Variants in CTNNBL1 observed in about 807,000 individuals in gnomAD.
CTNNBL1 encodes beta-catenin-like protein 1.
A neutral mutation model predicts 72.7 loss-of-function variants in CTNNBL1; 31 were observed. The observed-to-expected ratio is 0.43, with a 90% CI of 0.32 to 0.58. CTNNBL1 has a LOEUF of 0.58. Ranked by LOEUF, CTNNBL1 falls within the 20% of genes least tolerant of loss-of-function variation. CTNNBL1 has a pLI of 0.08. For missense variants in CTNNBL1, 534 were observed against 725.1 expected (o/e 0.74, Z 3.03); for synonymous variants, 240 against 267.3 (o/e 0.90, Z 1.00).
intron 13 of CTNNBL1, among the ~76,000 whole-genome samples, chr20:37,854,177 C>G (rs1286967389): frequency 6.6e-6 from 1 of 152,200 alleles, no homozygotes; most frequent in African/African-American, 2.4e-5. Flanking sequence ...TGGCATTGCT[C>G]TCTTGAGTTT....
chr20:37,821,936 C>A (rs1211720493), intron 11 of CTNNBL1, among the ~76,000 whole-genome samples: 2 of 151,954 alleles, frequency 1.3e-5, no homozygotes, highest in African/African-American at 4.8e-5. Flanking sequence ...TCCCACCCCT[C>A]CCCCTGCACA....
At chr20:37,801,379 A>G (rs1467409262) in intron 10 of CTNNBL1, among the ~76,000 whole-genome samples, 2 of 152,190 alleles carry the variant, frequency 1.3e-5, no homozygotes, top group Non-Finnish European at 2.9e-5. Flanking sequence ...AGCTGTAGCA[A>G]GATAGGAAAT....
intron 10 of CTNNBL1, among the ~76,000 whole-genome samples, chr20:37,792,299 A>G (rs1385493284): frequency 6.6e-6 from 1 of 150,708 alleles, no homozygotes; most frequent in East Asian, 2.0e-4. Flanking sequence ...TCTGGTCAGT[A>G]TTTTTTTTCC....
intron 15 of CTNNBL1, among the ~76,000 whole-genome samples, chr20:37,865,172 G>T (rs1332280608): frequency 1.3e-5 from 2 of 152,162 alleles, no homozygotes; most frequent in East Asian, 3.9e-4. Flanking sequence ...AGGGTGCTAG[G>T]CAGGCTTCTA....
intron 15 of CTNNBL1, among the ~76,000 whole-genome samples, chr20:37,862,756 G>T (rs1435349110): frequency 1.3e-5 from 2 of 150,226 alleles, no homozygotes; most frequent in African/African-American, 4.9e-5. Flanking sequence ...ATCCTTCCAG[G>T]CCTGGGCTCA....
chr20:37,746,557 A>T lies in CTNNBL1; in HGVS notation c.416A>T (p.Glu139Val). ...CCAGACCTGTACCACCTTCTGGTGGAGCTGAATGCTGTACAGTCGCTTCTC... is the reference window on the plus strand; with the variant it reads ...CCAGACCTGTACCACCTTCTGGTGGTGCTGAATGCTGTACAGTCGCTTCTC... ...TMPDLYHLLV[E>V]LNAVQSLLGL... is the part of the protein sequence containing the mutation. Residue 139 changes from glutamate (E) to valine (V), a missense_variant, in exon 4 of 16, where the codon GAG (glutamate) becomes GTG (valine). By Grantham distance (121) the Glu-to-Val change is moderately radical. Transcript: ENST00000361383. The T allele has an allele frequency of 1.9e-6, 3 of 1,614,108 alleles. No homozygotes were observed. The highest frequency in any genetic ancestry group is 2.5e-6 in the Non-Finnish European group (3 of 1,179,998).
At chr20:37,708,559 T>C (rs2072910425) in intron 1 of CTNNBL1, among the ~76,000 whole-genome samples, 1 of 152,228 alleles carries the variant, frequency 6.6e-6, no homozygotes, top group African/African-American at 2.4e-5. Context: ...TGAGGTATGC[T>C]TGTAGTTCAG....
At chr20:37,731,768 T>A (rs894923198) in intron 1 of CTNNBL1, among the ~76,000 whole-genome samples, 2 of 152,226 alleles carry the variant, frequency 1.3e-5, no homozygotes, top group South Asian at 4.1e-4. Flanking sequence ...TTTTTAGGGC[T>A]GAGTAGAATT....
At chr20:37,777,768 G>T in intron 9 of CTNNBL1, 56 bp downstream of exon 9, 1 of 1,549,516 alleles carries the variant, frequency 6.5e-7, no homozygotes, top group African/African-American at 1.4e-5. Context: ...GCTTTGAATG[G>T]GAGGTGGAGC....
At chr20:37,804,770 AGAG>A (rs1173345935) in intron 11 of CTNNBL1, among the ~76,000 whole-genome samples, 3 of 152,168 alleles carry the variant, frequency 2.0e-5, no homozygotes, top group African/African-American at 7.2e-5. Flanking sequence ...GGCACTGAGA[AGAG>A]GAGGAAGTGA....
chr20:37,747,145 A>G (rs1293231271), intron 4 of CTNNBL1, among the ~76,000 whole-genome samples: 1 of 152,214 alleles, frequency 6.6e-6, no homozygotes, highest in African/African-American at 2.4e-5. Flanking sequence ...TGGGAGGCCA[A>G]GGTGGTTGGA....
chr20:37,827,671 C>G (rs144735783), intron 11 of CTNNBL1, among the ~76,000 whole-genome samples: 2 of 152,148 alleles, frequency 1.3e-5, no homozygotes, highest in East Asian at 1.9e-4. Context: ...TAGATATACC[C>G]GGGTGCAGGA....
intron 7 of CTNNBL1, among the ~76,000 whole-genome samples, chr20:37,775,213 T>G (rs961240515): frequency 4.6e-5 from 7 of 152,376 alleles, no homozygotes; most frequent in Admixed American, 1.3e-4. Flanking sequence ...TATTTCATTC[T>G]TAAATATCAT....
At chr20:37,719,573 G>C (rs1487986887) in intron 1 of CTNNBL1, among the ~76,000 whole-genome samples, 1 of 152,070 alleles carries the variant, frequency 6.6e-6, no homozygotes, top group Non-Finnish European at 1.5e-5. Context: ...GCTTAGTAAG[G>C]GTGCCCTGTA....
At chr20:37,836,962 G>A (rs2072259662) in intron 11 of CTNNBL1, among the ~76,000 whole-genome samples, 1 of 151,986 alleles carries the variant, frequency 6.6e-6, no homozygotes, top group Admixed American at 6.6e-5. Context: ...GTCATACTAA[G>A]TAATTCCAAA....
At chr20:37,824,940 G>A (rs558954506) in intron 11 of CTNNBL1, among the ~76,000 whole-genome samples, 27 of 152,314 alleles carry the variant, frequency 1.8e-4, no homozygotes, top group South Asian at 6.2e-4. Context: ...AGTTCAACCC[G>A]AATCTCTGAC....
rs1403073805 is a variant in CTNNBL1 at position 37,775,935 on chromosome 20, A to G, written c.751-1410A>G. The stretch of plus-strand genomic sequence containing the variant: ...TAATGTATAAGTTGGTGTGGCTTAA[A>G]TCTTTTAAAATATAATAGCAGTACT... On this transcript the variant is annotated intron_variant, in intron 7 of 15. Coordinates refer to ENST00000361383, the MANE Select transcript of CTNNBL1 (RefSeq NM_030877.5). Among the ~76,000 whole-genome samples, 3 of 152,350 alleles carry G rather than the reference A, an allele frequency of 2.0e-5. No individual in the cohort carries two copies. In the East Asian group the frequency reaches 5.8e-4, roughly 29 times the overall value.
chr20:37,768,852 C>A (rs1434898479), intron 7 of CTNNBL1, among the ~76,000 whole-genome samples: 2 of 152,270 alleles, frequency 1.3e-5, no homozygotes, highest in Middle Eastern at 3.4e-3. Context: ...GATCTTGGCT[C>A]ACTGCAACCT....
Position 37,780,311 on chromosome 20 carries a change from A to G in CTNNBL1, c.1031+976A>G, listed in dbSNP as rs566607643. Among the ~76,000 whole-genome samples the G allele has an allele frequency of 6.4e-4, 98 of 152,290 alleles. 1 individual carries two copies. Among genetic ancestry groups the G allele is most frequent in the Middle Eastern group, 3.4e-3 (1 of 294 alleles). On this transcript the variant is annotated intron_variant, in intron 10 of 15. Coordinates refer to ENST00000361383, the MANE Select transcript of CTNNBL1 (RefSeq NM_030877.5). Reference sequence around the variant, plus strand: ...AATAGAATTTAGAATACTAACATATAAAACTGCTATTAAAACATTGACAAG... The same window carrying G: ...AATAGAATTTAGAATACTAACATATGAAACTGCTATTAAAACATTGACAAG...
Sources: allele counts gnomAD v4.1 joint callset (sites outside exome capture counted in the v4.1 genomes callset), GRCh38; gene constraint gnomAD v4.1.1; transcripts MANE v1.5; gene names NCBI Gene and HGNC (gene_info 2026-07-23, HGNC 2026-07-21).